The following EPHA2 variants were observed in gnomAD, a reference collection of about 807,000 sequenced individuals.
The protein encoded by EPHA2 is EPH receptor A2, also known as ephrin type-A receptor 2.
In EPHA2, 54 loss-of-function variants were observed where a neutral mutation model predicts 104.9. The observed-to-expected ratio is 0.51, with a 90% CI of 0.41 to 0.65. The LOEUF is 0.65. Ranked by LOEUF, EPHA2 falls within the 30% of genes least tolerant of loss-of-function variation. The pLI, the probability that EPHA2 is intolerant of heterozygous loss-of-function variation, is 0.00. For synonymous variants in EPHA2, 560 were observed against 559.1 expected (o/e 1.00, Z -0.02); for missense variants, 1,117 against 1,369.5 (o/e 0.82, Z 2.91).
In EPHA2 at chr1:16,148,555, C is replaced by T. The variant is rs143736427; in HGVS notation, c.646G>A (p.Ala216Thr). The change falls in exon 3 of 17, where the codon GCC (alanine) becomes ACC (threonine). Residue 216 changes from alanine (A) to threonine (T), a missense_variant. Physicochemically the swap from Ala to Thr is moderately conservative, Grantham distance 58. Around this residue, in one of 3 missense-constraint regions of EPHA2, gnomAD observed 664 missense variants for 784.8 expected, o/e 0.85. Coordinates refer to ENST00000358432, the MANE Select transcript of EPHA2 (RefSeq NM_004431.5). This position sits in a 1 kb window ranked among gnomAD's most constrained non-coding sequence, Gnocchi z 4.9. ...QGLAHFPETI[A>T]GSDAPSLATV... ...GCCAGGGAAGGTGCATCAGAGCCGG[C>T]GATGGTCTCAGGGAAGTGGGCCAGG... is the stretch of plus-strand genomic sequence containing the variant. 1.4e-4 allele frequency: 218 copies of T among 1,612,650 alleles called. No individual in the cohort carries two copies. The highest frequency in any genetic ancestry group is 1.7e-4 in the Non-Finnish European group (201 of 1,180,002).
intron 1 of EPHA2, among the ~76,000 whole-genome samples, chr1:16,152,555 G>A (rs887288773): frequency 6.6e-5 from 10 of 152,140 alleles, no homozygotes; most frequent in Non-Finnish European, 1.2e-4. Context: ...GCCCAGGGCC[G>A]GGGCTTTGAA....
In EPHA2 at chr1:16,135,272, C is replaced by T; in HGVS notation, c.1429-83G>A. Reference sequence around the variant, plus strand: ...TCAGCCCGCTGGAGACCACCCCAAGCTAGCAAGGTGGCTTGCCTTTGTTAG... The same window carrying T: ...TCAGCCCGCTGGAGACCACCCCAAGTTAGCAAGGTGGCTTGCCTTTGTTAG... On this transcript the variant is annotated intron_variant, in intron 6 of 16. Coordinates refer to ENST00000358432, the MANE Select transcript of EPHA2 (RefSeq NM_004431.5). This position sits in a 1 kb window ranked among gnomAD's most constrained non-coding sequence, Gnocchi z 4.3. The T allele has an allele frequency of 1.9e-6, 3 of 1,582,452 alleles. No individual in the cohort carries two copies. The highest frequency in any genetic ancestry group is 2.6e-6 in the Non-Finnish European group (3 of 1,158,078).
At chr1:16,151,090 G>A (rs1367008219) in intron 1 of EPHA2, 127 bp from the exon 2 acceptor site, 1 of 829,562 alleles carries the variant, frequency 1.2e-6, no homozygotes, top group East Asian at 2.5e-5. Context: ...CCACCACACA[G>A]GGTCACCATA....
rs370856741 is a variant in EPHA2, at chr1:16,138,052, G to A, written c.1113C>T (p.Pro371=). The A allele has an allele frequency of 2.4e-5, 38 of 1,613,132 alleles. No homozygotes were observed. In the African/African-American group the frequency reaches 2.9e-4, roughly 12 times the overall value. Reference sequence around the variant, plus strand: ...CACACGGCCCGCATTCCCCAGACTCGGGCCAGCACTGTTCGCAGGTGACGC... The same window carrying A: ...CACACGGCCCGCATTCCCCAGACTCAGGCCAGCACTGTTCGCAGGTGACGC... The part of the protein sequence containing the change: ...VYSVTCEQCW[P]ESGECGPCEA... Residue 371 remains proline, a synonymous_variant, in exon 5 of 17, where the codon CCC becomes CCT. Coordinates refer to ENST00000358432, the MANE Select transcript of EPHA2 (RefSeq NM_004431.5).
At position 16,136,771 on chromosome 1, in the gene EPHA2, A is replaced by AAGAAGAAGAAGAAGAAGG. The variant is rs2024718595; in HGVS notation, c.1313-1002_1313-1001insCCTTCTTCTTCTTCTTCT. Among the ~76,000 whole-genome samples the AAGAAGAAGAAGAAGAAGG allele has an allele frequency of 3.4e-5, 5 of 149,040 alleles. No individual in the cohort carries two copies. The South Asian group carries it at 1.1e-3, about 32-fold the overall frequency. ...GAAGAAGAAGAAGAAGAAGAAGAAG[A>AAGAAGAAGAAGAAGAAGG]AGAACTAACTTTTGCTGAATGCTTT... On this transcript the variant is annotated intron_variant, in intron 5 of 16. Transcript: ENST00000358432.
chr1:16,149,757 C>A (rs572679070), intron 2 of EPHA2, among the ~76,000 whole-genome samples: 7 of 152,328 alleles, frequency 4.6e-5, no homozygotes, highest in Admixed American at 3.9e-4. Flanking sequence ...GCACTTGGCA[C>A]GGCACATGGG....
At chr1:16,133,452 A>G (rs765759275) in intron 10 of EPHA2, 29 bp downstream of exon 10, 6 of 1,614,012 alleles carry the variant, frequency 3.7e-6, no homozygotes, top group Non-Finnish European at 5.1e-6. Flanking sequence ...CTGCCTCCTC[A>G]GGGCCCCTTG....
Position 16,148,631 on chromosome 1 carries a change from C to T in EPHA2, c.570G>A (p.Ala190=), listed in dbSNP as rs6678618. The stretch of plus-strand genomic sequence containing the variant: ...TGTAGTAGACACGGACGGAGAGCAG[C>T]GCCACACAGGCACCGATATCCTGGA... The part of the protein sequence containing the change: ...LAFQDIGACV[A]LLSVRVYYKK... Residue 190 remains alanine, a synonymous_variant, in exon 3 of 17, where the codon GCG becomes GCA. Transcript: ENST00000358432. This position sits in a 1 kb window ranked among gnomAD's most constrained non-coding sequence, Gnocchi z 4.9. The T allele has an allele frequency of 0.32, 514,508 of 1,607,538 alleles. 86,754 individuals are homozygous for T. Among genetic ancestry groups the T allele is most frequent in the Middle Eastern group, 0.45 (2,730 of 6,060 alleles).
rs911820766 is a variant in EPHA2, at chr1:16,134,827, G to A, written c.1582+209C>T. 1.1e-4 allele frequency among the ~76,000 whole-genome samples: 17 copies of A among 152,176 alleles called. No individual in the cohort carries two copies. The highest frequency in any genetic ancestry group is 3.3e-4 in the Admixed American group (5 of 15,280). ...ATTTGAACTTCCTCACACCACTGTC[G>A]TGAATCCACATCCCGGCTCCTCCAC... is the stretch of plus-strand genomic sequence containing the variant. On this transcript the variant is annotated intron_variant, in intron 7 of 16. Coordinates refer to ENST00000358432, the MANE Select transcript of EPHA2 (RefSeq NM_004431.5). The surrounding 1 kb of genome is among the most constrained non-coding windows in gnomAD (Gnocchi z 4.5).
In EPHA2 at chr1:16,149,049, T is replaced by C. The variant is rs2024989468; in HGVS notation, c.154-2A>G. The C allele has an allele frequency of 1.2e-6, 2 of 1,612,334 alleles. No homozygotes were observed. The highest frequency in any genetic ancestry group is 2.7e-5 in the African/African-American group (2 of 75,020). ...CATGATGTTCTGCATCAGGTCCCAC[T>C]GTGGGGGGAAGATACAGGTTAGTGT... On this transcript the variant is annotated splice_acceptor_variant, in intron 2 of 16. Transcript: ENST00000358432. LOFTEE classifies it high-confidence loss of function.
rs763528336 is a variant in EPHA2, at chr1:16,148,433, G to A, written c.768C>T (p.Pro256=). The A allele has an allele frequency of 1.2e-6, 2 of 1,613,450 alleles. No individual in the cohort carries two copies. Among genetic ancestry groups the A allele is most frequent in the African/African-American group, 1.3e-5 (1 of 75,062 alleles). ...CTGCCTGGCACAGGCACTGCCCAAT[G>A]GGCACCAGCCACTCGCCATCCACTG... is the stretch of plus-strand genomic sequence containing the variant. ...HCAVDGEWLV[P]IGQCLCQAGY... The change falls in exon 3 of 17, where the codon CCC becomes CCT. Residue 256 remains proline, a synonymous_variant. Coordinates refer to ENST00000358432, the MANE Select transcript of EPHA2 (RefSeq NM_004431.5). The surrounding 1 kb of genome is among the most constrained non-coding windows in gnomAD (Gnocchi z 4.9).
chr1:16,137,960 A>T lies in EPHA2; in HGVS notation c.1205T>A (p.Leu402Gln). ...GAAGGTGTAGTTCATGTGGGGCTCC[A>T]GGTCGCTCACTGTCACACTGGTGCG... ...LTRTSVTVSD[L>Q]EPHMNYTFTV... Residue 402 changes from leucine (L) to glutamine (Q), a missense_variant, in exon 5 of 17, where the codon CTG becomes CAG. By Grantham distance (113) the Leu-to-Gln change is moderately radical. Transcript: ENST00000358432. 6.2e-7 allele frequency: 1 copy of T among 1,614,186 alleles called. No individual in the cohort carries two copies. The highest frequency in any genetic ancestry group is 8.5e-7 in the Non-Finnish European group (1 of 1,180,046).
intron 16 of EPHA2, 47 bp downstream of exon 16, chr1:16,129,387 G>A (rs1389752562): frequency 6.2e-7 from 1 of 1,600,634 alleles, no homozygotes; most frequent in Non-Finnish European, 8.5e-7. Flanking sequence ...GCAGCCTCTG[G>A]AGTGGGAGGC....
rs371515535 is a variant in EPHA2, at chr1:16,135,638, G to A, written c.1428+17C>T. 13 of 1,610,440 alleles carry A rather than the reference G, an allele frequency of 8.1e-6. No individual in the cohort carries two copies. The African/African-American group carries it at 1.5e-4, about 18-fold the overall frequency. On this transcript the variant is annotated intron_variant, in intron 6 of 16. Transcript: ENST00000358432. This position sits in a 1 kb window ranked among gnomAD's most constrained non-coding sequence, Gnocchi z 4.3. ...TGTCGGCCCAGCTAGAGCCAGCCCC[G>A]CCCCTCTGGGAGTTACCTTCTTGCG...
intron 3 of EPHA2, among the ~76,000 whole-genome samples, chr1:16,141,949 T>C (rs1030161705): frequency 1.3e-5 from 2 of 152,122 alleles, no homozygotes; most frequent in African/African-American, 4.8e-5. Context: ...AGTTTCCAAG[T>C]GCTCAGGGGT....
chr1:16,130,310 G>A lies in EPHA2; in HGVS notation c.2585C>T (p.Pro862Leu), dbSNP rs767853703. The A allele has an allele frequency of 2.4e-5, 39 of 1,610,140 alleles. No individual in the cohort carries two copies. In the South Asian group the frequency reaches 3.0e-4, roughly 12 times the overall value. Residue 862 changes from proline (P) to leucine (L), a missense_variant, in exon 15 of 17, where the codon CCC becomes CTC. Around this residue, in one of 3 missense-constraint regions of EPHA2, gnomAD observed 340 missense variants for 480.5 expected, o/e 0.71. Transcript: ENST00000358432. This position sits in a 1 kb window ranked among gnomAD's most constrained non-coding sequence, Gnocchi z 4.5. ...QCWQQERARR[P>L]KFADIVSILD... ...GATGCTGACGATGTCAGCGAACTTGGGGCGGCGGGCACGCTCCTGCTGCCA... is the reference window on the plus strand; with the variant it reads ...GATGCTGACGATGTCAGCGAACTTGAGGCGGCGGGCACGCTCCTGCTGCCA...
rs1339723272 is a variant in EPHA2 at position 16,150,891 on chromosome 1, C to T, written c.153+5G>A. 6.2e-7 allele frequency: 1 copy of T among 1,614,022 alleles called. No homozygotes were observed. Among genetic ancestry groups the T allele is most frequent in the Non-Finnish European group, 8.5e-7 (1 of 1,180,018 alleles). ...CACCTCTCCCCACCCCGAAGGCTTACATACCCCTTTGCCATACGGGTGTGT... is the reference window on the plus strand; with the variant it reads ...CACCTCTCCCCACCCCGAAGGCTTATATACCCCTTTGCCATACGGGTGTGT... On this transcript the variant is annotated splice_donor_5th_base_variant and intron_variant, in intron 2 of 16. Transcript: ENST00000358432. The surrounding 1 kb of genome is among the most constrained non-coding windows in gnomAD (Gnocchi z 4.8).
intron 16 of EPHA2, among the ~76,000 whole-genome samples, chr1:16,127,543 C>T (rs2024492571): frequency 6.6e-6 from 1 of 152,168 alleles, no homozygotes; most frequent in Non-Finnish European, 1.5e-5. Context: ...ACACTGAAGC[C>T]TAAATCCTGA....
chr1:16,143,158 T>TGATGGATGGATGGATGGATG lies in EPHA2; in HGVS notation c.824-4748_824-4729dup, dbSNP rs34028517. 1.9e-3 allele frequency among the ~76,000 whole-genome samples: 231 copies of TGATGGATGGATGGATGGATG among 123,064 alleles called. 1 individual carries two copies. The highest frequency in any genetic ancestry group is 7.5e-3 in the African/African-American group (224 of 30,000). The allele number at this position is 123,064 out of a possible 152,430, so 80.7% of individuals were successfully genotyped here. The stretch of plus-strand genomic sequence containing the variant: ...GCGGGTAGACGAGTGAATGGATGGA[T>TGATGGATGGATGGATGGATG]GATGGATGGATGGATGGATGGATGG... On this transcript the variant is annotated intron_variant, in intron 3 of 16. Transcript: ENST00000358432.
Sources: allele counts gnomAD v4.1 joint callset (sites outside exome capture counted in the v4.1 genomes callset), GRCh38; gene constraint gnomAD v4.1.1; regional missense constraint gnomAD v4.1.1; non-coding constraint Gnocchi (gnomAD v3.1); transcripts MANE v1.5; gene names NCBI Gene and HGNC (gene_info 2026-07-23, HGNC 2026-07-21).